RASA3: variants seen among roughly 807,000 people sequenced by gnomAD.
RASA3 encodes the protein ras GTPase-activating protein 3.
In RASA3, 73 loss-of-function variants were observed where a neutral mutation model predicts 110.0. The ratio of observed to expected loss-of-function variants is 0.66; its 90% confidence interval spans 0.55 to 0.81. RASA3 has a LOEUF of 0.81. Ranked by LOEUF, RASA3 falls within the 30% of genes least tolerant of loss-of-function variation. The pLI is 0.00. For missense variants in RASA3, 976 were observed against 1,113.2 expected (o/e 0.88, Z 1.75); for synonymous variants, 500 against 451.4 (o/e 1.11, Z -1.37).
chr13:114,016,005 G>A (rs1456573195), intron 13 of RASA3, among the ~76,000 whole-genome samples, 192 bp downstream of exon 13: 1 of 152,132 alleles, frequency 6.6e-6, no homozygotes, highest in Non-Finnish European at 1.5e-5. Context: ...CACAGGCCAG[G>A]CCAAAGGTGG....
rs773317672 is a variant in RASA3, at chr13:114,000,935, G to A, written c.1743-3C>T. 3 of 1,604,508 alleles carry A rather than the reference G, an allele frequency of 1.9e-6. No homozygotes were observed. Among genetic ancestry groups the A allele is most frequent in the Admixed American group, 3.3e-5 (2 of 59,984 alleles). ...CTTGGGCCCTCTTGATCATGAACCT[G>A]TGTGAAGAGCACACAGGGCCGGGGT... On this transcript the variant is annotated splice_polypyrimidine_tract_variant and splice_region_variant and intron_variant, in intron 18 of 23. Coordinates refer to ENST00000334062, the MANE Select transcript of RASA3 (RefSeq NM_007368.4).
intron 3 of RASA3, among the ~76,000 whole-genome samples, chr13:114,043,248 G>C (rs535478590): frequency 1.3e-5 from 2 of 152,184 alleles, no homozygotes; most frequent in African/African-American, 4.8e-5. Context: ...GGGAGGTGCG[G>C]AAGGTGGAAA....
At chr13:114,102,026 C>T (rs1197732751) in intron 1 of RASA3, among the ~76,000 whole-genome samples, 31 of 152,186 alleles carry the variant, frequency 2.0e-4, no homozygotes, top group Admixed American at 2.0e-3. Context: ...ACCCCGTGCC[C>T]AGCACCGAAG....
In RASA3 at chr13:114,000,845, A is replaced by G; in HGVS notation, c.1830T>C (p.Phe610=). 6.2e-7 allele frequency: 1 copy of G among 1,612,110 alleles called. No homozygotes were observed. The highest frequency in any genetic ancestry group is 8.5e-7 in the Non-Finnish European group (1 of 1,178,240). ...KRWFRLTNHE[F]TYHKSKGDQP... ...CCTTACCTTTGCTTTTGTGGTAGGT[A>G]AATTCATGGTTGGTCAAGCGAAACC... The change falls in exon 19 of 24, where the codon TTT becomes TTC. Residue 610 remains phenylalanine, a synonymous_variant. Coordinates refer to ENST00000334062, the MANE Select transcript of RASA3 (RefSeq NM_007368.4).
intron 3 of RASA3, among the ~76,000 whole-genome samples, chr13:114,042,667 G>A (rs1470946100): frequency 6.6e-6 from 1 of 152,238 alleles, no homozygotes; most frequent in Non-Finnish European, 1.5e-5. Flanking sequence ...GCGCAGCCCA[G>A]CCCCGGTTCT....
intron 1 of RASA3, among the ~76,000 whole-genome samples, chr13:114,117,835 G>A (rs1163819377): frequency 6.7e-6 from 1 of 148,614 alleles, no homozygotes; most frequent in African/African-American, 2.5e-5. Flanking sequence ...GTGTGTGAGG[G>A]GTGCATGCAA....
At chr13:114,069,461 G>GA (rs2079517605) in intron 2 of RASA3, among the ~76,000 whole-genome samples, 1 of 107,982 alleles carries the variant, frequency 9.3e-6, no homozygotes, top group East Asian at 2.9e-4. Flanking sequence ...AGACTTGGGG[G>GA]GCTGGGAGAC....
intron 3 of RASA3, among the ~76,000 whole-genome samples, chr13:114,045,612 CT>C (rs1566523478): frequency 1.3e-5 from 2 of 152,226 alleles, no homozygotes; most frequent in Non-Finnish European, 2.9e-5. Flanking sequence ...AAATAAAAGC[CT>C]TTATTCATAG....
rs1201466481 is a variant in RASA3 at position 114,052,059 on chromosome 13, G to T, written c.270C>A (p.Ser90=). Residue 90 remains serine, a synonymous_variant, in exon 3 of 24, where the codon TCC becomes TCA. Coordinates refer to ENST00000334062, the MANE Select transcript of RASA3 (RefSeq NM_007368.4). ...TGCTCATTCATCACCTACCTATGAT[G>T]GAATCCCTCCGGAAAACGTCTCTAT... ...IFDRDVFRRD[S]IIGKVAIQKE... is the part of the protein sequence containing the mutation. 1.2e-6 allele frequency: 2 copies of T among 1,601,968 alleles called. No individual in the cohort carries two copies. Among genetic ancestry groups the T allele is most frequent in the Non-Finnish European group, 1.7e-6 (2 of 1,169,450 alleles).
intron 2 of RASA3, among the ~76,000 whole-genome samples, chr13:114,066,298 G>A (rs2079448585): frequency 2.0e-5 from 3 of 152,234 alleles, no homozygotes; most frequent in Admixed American, 2.0e-4. Flanking sequence ...GTCCCCTGCA[G>A]CAGCTGAGAC....
At chr13:114,043,545 T>A (rs2078973417) in intron 3 of RASA3, among the ~76,000 whole-genome samples, 1 of 152,002 alleles carries the variant, frequency 6.6e-6, no homozygotes. Flanking sequence ...GTTCCTAAGA[T>A]CAGCCTGGTG....
chr13:114,130,569 G>A (rs916080794), intron 1 of RASA3, among the ~76,000 whole-genome samples: 6 of 152,168 alleles, frequency 3.9e-5, no homozygotes, highest in Non-Finnish European at 7.4e-5. Context: ...CCGAGTGCCC[G>A]CAGGCCGGTG....
At chr13:114,077,760 C>G in intron 1 of RASA3, 1 of 948,322 alleles carries the variant, frequency 1.1e-6, no homozygotes, top group Non-Finnish European at 1.3e-6. Flanking sequence ...GGCCCCAAAA[C>G]ACACCAGGTT....
At chr13:114,016,430 C>G (rs1051755638) in intron 12 of RASA3, among the ~76,000 whole-genome samples, 159 bp from the exon 13 acceptor site, 4 of 152,096 alleles carry the variant, frequency 2.6e-5, no homozygotes, top group African/African-American at 9.7e-5. Context: ...CGGAGGGGCA[C>G]GGTGAGGCCG....
intron 1 of RASA3, among the ~76,000 whole-genome samples, chr13:114,083,139 T>G (rs569841186): frequency 6.6e-6 from 1 of 152,380 alleles, no homozygotes; most frequent in South Asian, 2.1e-4. Context: ...ATGCTGGCGC[T>G]TCACTCATTC....
intron 22 of RASA3, among the ~76,000 whole-genome samples, chr13:113,984,776 C>T (rs1356881199): frequency 6.8e-5 from 3 of 43,854 alleles, no homozygotes; most frequent in Admixed American, 4.8e-4. Flanking sequence ...TCCATCCATC[C>T]ACCCATCACT....
Position 114,106,971 on chromosome 13 carries a change from A to C in RASA3, c.55+25464T>G, listed in dbSNP as rs866724945. Among the ~76,000 whole-genome samples the C allele has an allele frequency of 9.2e-5, 14 of 152,124 alleles. No individual in the cohort carries two copies. The South Asian group carries it at 1.4e-3, about 16-fold the overall frequency. On this transcript the variant is annotated intron_variant, in intron 1 of 23. Coordinates refer to ENST00000334062, the MANE Select transcript of RASA3 (RefSeq NM_007368.4). ...TTAAGTCTCCAGGTAGAAAAAGTTA[A>C]CTCTTTTCCCTCCCTCAGCCAGGCC...
At chr13:114,049,660 G>A (rs879546318) in intron 3 of RASA3, among the ~76,000 whole-genome samples, 10 of 152,232 alleles carry the variant, frequency 6.6e-5, no homozygotes, top group African/African-American at 1.4e-4. Flanking sequence ...ACCTCAATTC[G>A]CGCGTGGCGC....
Position 114,007,394 on chromosome 13 carries a change from GC to G in RASA3, c.1742+138del. The G allele has an allele frequency of 1.4e-5, 3 of 216,534 alleles. 1 individual carries two copies. The highest frequency in any genetic ancestry group is 1.4e-4 in the East Asian group (2 of 13,874). 13.4% of individuals were successfully genotyped at this position (216,534 alleles called of 1,614,324 possible). Reference sequence around the variant, plus strand: ...CGCCACCTTACCCTTCTCCCCTCCTGCCCTGCTGGACGCCACCTTACCCTTC... The same window carrying G: ...CGCCACCTTACCCTTCTCCCCTCCTGCCTGCTGGACGCCACCTTACCCTTC... On this transcript the variant is annotated intron_variant, in intron 18 of 23. Coordinates refer to ENST00000334062, the MANE Select transcript of RASA3 (RefSeq NM_007368.4).
Sources: gnomAD v4.1 joint callset for allele counts (sites outside exome capture counted in the v4.1 genomes callset) on GRCh38, gnomAD v4.1.1 for gene constraint, MANE v1.5 for transcripts, NCBI Gene and HGNC (gene_info 2026-07-23, HGNC 2026-07-21) for gene names.